CYRIA: variants seen among roughly 807,000 people sequenced by gnomAD.
CYRIA encodes CYFIP related Rac1 interactor A, also known as CYFIP-related Rac1 interactor A.
A neutral mutation model predicts 43.9 loss-of-function variants in CYRIA; 15 were observed. The ratio of observed to expected loss-of-function variants is 0.34; its 90% CI spans 0.23 to 0.53. CYRIA has a LOEUF of 0.53. CYRIA is among the 20% of genes least tolerant of loss of function. The pLI is 0.94. For synonymous variants in CYRIA, 117 were observed against 136.0 expected (o/e 0.86, Z 0.97); for missense variants, 236 against 394.2 (o/e 0.60, Z 3.40).
intron 2 of CYRIA, among the ~76,000 whole-genome samples, chr2:16,603,901 C>G (rs59622496): frequency 6.6e-6 from 1 of 152,092 alleles, no homozygotes; most frequent in Non-Finnish European, 1.5e-5. Flanking sequence ...CTATGTTACA[C>G]GGTTTTTATT....
intron 1 of CYRIA, among the ~76,000 whole-genome samples, chr2:16,665,045 A>T (rs1465320339): frequency 2.0e-5 from 3 of 152,194 alleles, no homozygotes; most frequent in Non-Finnish European, 4.4e-5. Flanking sequence ...GAGTAGGAGC[A>T]GCTTGGAGGA....
chr2:16,586,908 G>C (rs1278796990), intron 3 of CYRIA, among the ~76,000 whole-genome samples: 1 of 152,036 alleles, frequency 6.6e-6, no homozygotes, highest in Admixed American at 6.6e-5. Flanking sequence ...TTTGAAAAGG[G>C]GTGAACATGA....
At chr2:16,609,220 C>G (rs1461304101) in intron 2 of CYRIA, among the ~76,000 whole-genome samples, 1 of 152,210 alleles carries the variant, frequency 6.6e-6, no homozygotes, top group Non-Finnish European at 1.5e-5. Context: ...GCATGGTACC[C>G]TCTGCTGGTC....
rs1431998890 is a variant in CYRIA, at chr2:16,662,977, A to G, written c.-167+2803T>C. Among the ~76,000 whole-genome samples the G allele has an allele frequency of 3.3e-5, 5 of 152,374 alleles. No individual in the cohort carries two copies. The East Asian group carries it at 9.6e-4, about 29-fold the overall frequency. ...CAAAACTGTATTTGGTACAAAGCAG[A>G]TACTCAATAAATGTAAGATACATAA... is the stretch of plus-strand genomic sequence containing the variant. On this transcript the variant is annotated intron_variant, in intron 1 of 11. Coordinates refer to ENST00000381323, the MANE Select transcript of CYRIA (RefSeq NM_030797.4).
At chr2:16,641,690 T>C (rs1028476617) in intron 1 of CYRIA, among the ~76,000 whole-genome samples, 8 of 152,226 alleles carry the variant, frequency 5.3e-5, no homozygotes, top group African/African-American at 1.9e-4. Context: ...CAATGTTGCA[T>C]AAGCACACAA....
chr2:16,610,936 A>C (rs867235214), intron 2 of CYRIA, among the ~76,000 whole-genome samples: 14 of 127,934 alleles, frequency 1.1e-4, no homozygotes, highest in African/African-American at 2.2e-4. Flanking sequence ...ATATATATAT[A>C]TCCTGTATAT....
At chr2:16,661,986 C>T (rs1006392264) in intron 1 of CYRIA, among the ~76,000 whole-genome samples, 3 of 151,970 alleles carry the variant, frequency 2.0e-5, no homozygotes, top group East Asian at 1.9e-4. Flanking sequence ...ATAAAAAATA[C>T]GAGGCATTCA....
intron 2 of CYRIA, among the ~76,000 whole-genome samples, chr2:16,621,477 C>T (rs958008999): frequency 7.9e-5 from 12 of 152,150 alleles, no homozygotes; most frequent in African/African-American, 2.9e-4. Flanking sequence ...GAATGACTAA[C>T]ACTGCATTGG....
At chr2:16,656,229 C>A (rs1038161504) in intron 1 of CYRIA, among the ~76,000 whole-genome samples, 1 of 151,838 alleles carries the variant, frequency 6.6e-6, no homozygotes, top group African/African-American at 2.4e-5. Flanking sequence ...TGCACACACA[C>A]ATACCCACAC....
intron 2 of CYRIA, among the ~76,000 whole-genome samples, chr2:16,618,248 G>A (rs1315761530): frequency 2.0e-5 from 3 of 152,128 alleles, no homozygotes; most frequent in Admixed American, 6.5e-5. Context: ...AAAGAACATT[G>A]CCCCTTTCTC....
At chr2:16,577,183 AAAAAG>A (rs1384436687) in intron 3 of CYRIA, among the ~76,000 whole-genome samples, 1 of 152,188 alleles carries the variant, frequency 6.6e-6, no homozygotes, top group African/African-American at 2.4e-5. Flanking sequence ...TACCATAATA[AAAAAG>A]AAAAGAAACA....
At chr2:16,561,319 G>T (rs765162147) in intron 7 of CYRIA, 42 bp from the exon 8 acceptor site, 2 of 1,526,158 alleles carry the variant, frequency 1.3e-6, no homozygotes, top group South Asian at 1.1e-5. Flanking sequence ...TAAAGAGAAA[G>T]TCCAAATCCT....
At chr2:16,558,170 T>C (rs948431419) in intron 10 of CYRIA, among the ~76,000 whole-genome samples, 7 of 151,864 alleles carry the variant, frequency 4.6e-5, no homozygotes, top group Admixed American at 3.3e-4. Context: ...TATTACAGGA[T>C]ATATTTAATT....
chr2:16,639,707 A>T (rs1463060985), intron 1 of CYRIA, among the ~76,000 whole-genome samples: 4 of 152,266 alleles, frequency 2.6e-5, no homozygotes, highest in Non-Finnish European at 5.9e-5. Context: ...TGGGGGGAAG[A>T]GCGTGTCTGT....
chr2:16,643,211 T>C (rs1475335822), intron 1 of CYRIA, among the ~76,000 whole-genome samples: 1 of 152,184 alleles, frequency 6.6e-6, no homozygotes, highest in African/African-American at 2.4e-5. Context: ...TGGCATGAAG[T>C]AGGCATTCAA....
chr2:16,653,578 C>T (rs1471507215), intron 1 of CYRIA, among the ~76,000 whole-genome samples: 1 of 151,282 alleles, frequency 6.6e-6, no homozygotes, highest in African/African-American at 2.5e-5. Flanking sequence ...TCCATCTTTC[C>T]CCAACAAAAT....
At position 16,552,839 on chromosome 2, in the gene CYRIA, T is replaced by C. The variant is rs1666362014; in HGVS notation, c.*97A>G. On this transcript the variant is annotated 3_prime_UTR_variant, in exon 12 of 12. Coordinates refer to ENST00000381323, the MANE Select transcript of CYRIA (RefSeq NM_030797.4). ...TTCAGTGACAAGAAGGAAACGGTTA[T>C]GTAAATACACAAGTATTAACATCAA... is the stretch of plus-strand genomic sequence containing the variant. The C allele has an allele frequency of 2.5e-6, 2 of 808,132 alleles. No homozygotes were observed. Among genetic ancestry groups the C allele is most frequent in the Non-Finnish European group, 4.3e-6 (2 of 467,892 alleles). The allele number at this position is 808,132 out of a possible 1,614,324, so 50.1% of individuals were successfully genotyped here.
At chr2:16,607,558 T>C (rs1252482200) in intron 2 of CYRIA, among the ~76,000 whole-genome samples, 2 of 152,186 alleles carry the variant, frequency 1.3e-5, no homozygotes, top group African/African-American at 4.8e-5. Flanking sequence ...CACCAGAATA[T>C]GACAGTGGAA....
At chr2:16,584,733 T>G (rs538892148) in intron 3 of CYRIA, among the ~76,000 whole-genome samples, 7 of 152,276 alleles carry the variant, frequency 4.6e-5, no homozygotes, top group African/African-American at 1.7e-4. Flanking sequence ...AACATGCCCT[T>G]CCTATTCCAG....
Sources: allele counts gnomAD v4.1 joint callset (sites outside exome capture counted in the v4.1 genomes callset), GRCh38; gene constraint gnomAD v4.1.1; transcripts MANE v1.5; gene names NCBI Gene and HGNC (gene_info 2026-07-23, HGNC 2026-07-21).